ZNF564: variants seen among roughly 807,000 people sequenced by gnomAD.
ZNF564 encodes zinc finger protein 564.
In ZNF564, 5 loss-of-function variants were observed where a neutral mutation model predicts 10.5. That is an observed-to-expected ratio of 0.48 (90% CI 0.25 to 1.00). ZNF564 has a LOEUF of 1.00. Ranked by LOEUF, ZNF564 falls within the 50% of genes least tolerant of loss-of-function variation. The pLI, the probability that ZNF564 is intolerant of heterozygous loss-of-function variation, is 0.16. For synonymous variants in ZNF564, 242 were observed against 218.1 expected (o/e 1.11, Z -0.97); for missense variants, 603 against 669.7 (o/e 0.90, Z 1.10).
chr19:12,535,972 G>A (rs2021902231), intron 1 of ZNF564, among the ~76,000 whole-genome samples: 1 of 146,416 alleles, frequency 6.8e-6, no homozygotes, highest in Non-Finnish European at 1.5e-5. Context: ...GAGACTGTGC[G>A]ACTGCATTCC....
intron 1 of ZNF564, among the ~76,000 whole-genome samples, chr19:12,548,510 C>T (rs924010096): frequency 6.6e-6 from 1 of 152,106 alleles, no homozygotes; most frequent in African/African-American, 2.4e-5. Flanking sequence ...CCACCGTGCC[C>T]GGCCAATTTT....
At chr19:12,536,118 T>C (rs1183448181) in intron 1 of ZNF564, among the ~76,000 whole-genome samples, 1 of 151,780 alleles carries the variant, frequency 6.6e-6, no homozygotes, top group Non-Finnish European at 1.5e-5. Flanking sequence ...CTGAAAAAAA[T>C]CTGTTACAAA....
At chr19:12,538,909 A>G (rs951617216) in intron 1 of ZNF564, among the ~76,000 whole-genome samples, 7 of 152,084 alleles carry the variant, frequency 4.6e-5, no homozygotes, top group African/African-American at 1.7e-4. Context: ...TAACTAATAC[A>G]CTACACTAAC....
chr19:12,548,070 A>G (rs1413103186), intron 1 of ZNF564: 68 of 754,286 alleles, frequency 9.0e-5, no homozygotes, highest in Non-Finnish European at 1.1e-4. Context: ...AGCCTCCCAA[A>G]GGGCTGGGAT....
intron 1 of ZNF564, among the ~76,000 whole-genome samples, chr19:12,538,950 A>G (rs1712681767): frequency 6.6e-6 from 1 of 152,106 alleles, no homozygotes; most frequent in African/African-American, 2.4e-5. Flanking sequence ...GAGGTAGGCC[A>G]GGCGTGGTGG....
chr19:12,543,864 G>A (rs115951312), intron 1 of ZNF564, among the ~76,000 whole-genome samples: 387 of 152,178 alleles, frequency 2.5e-3, no homozygotes, highest in South Asian at 5.2e-3. Context: ...GGTAATCGGG[G>A]TTAGAGACCA....
chr19:12,531,806 T>C (rs889820746), intron 1 of ZNF564, among the ~76,000 whole-genome samples: 8 of 152,108 alleles, frequency 5.3e-5, no homozygotes, highest in Admixed American at 4.6e-4. Flanking sequence ...GTAAAAAATA[T>C]GGTAGATATT....
intron 1 of ZNF564, among the ~76,000 whole-genome samples, chr19:12,535,070 G>T (rs2021883362): frequency 6.6e-6 from 1 of 151,910 alleles, no homozygotes; most frequent in African/African-American, 2.4e-5. Context: ...AGACATAGAG[G>T]AAATTTAAAA....
Position 12,527,033 on chromosome 19 carries a change from G to C in ZNF564, c.1075C>G (p.His359Asp). The C allele has an allele frequency of 3.1e-6, 5 of 1,614,114 alleles. No homozygotes were observed. The highest frequency in any genetic ancestry group is 4.2e-6 in the Non-Finnish European group (5 of 1,180,032). Residue 359 changes from histidine to aspartate, a missense_variant, in exon 4 of 4, where the codon CAC becomes GAC. His to Asp is a moderately conservative substitution (Grantham distance 81, BLOSUM62 -1). Transcript: ENST00000339282. ...SSNVRTHERT[H>D]TGEKPYECKE... is the part of the protein sequence containing the mutation. ...CATTCATAGGGCTTCTCTCCAGTGT[G>C]AGTCCTTTCATGTGTTCGAACATTA...
intron 1 of ZNF564, among the ~76,000 whole-genome samples, chr19:12,531,186 T>C (rs1036771695): frequency 2.6e-5 from 4 of 152,214 alleles, no homozygotes; most frequent in Non-Finnish European, 4.4e-5. Context: ...GAATAATGAA[T>C]ATCTAACAAT....
intron 1 of ZNF564, among the ~76,000 whole-genome samples, chr19:12,543,216 G>A (rs1379860490): frequency 6.7e-6 from 1 of 149,578 alleles, no homozygotes; most frequent in Non-Finnish European, 1.5e-5. Context: ...GCAGGAGAAT[G>A]GCTTGAACCC....
intron 1 of ZNF564, among the ~76,000 whole-genome samples, chr19:12,549,962 G>T (rs12972734): frequency 0.46 from 69,465 of 152,030 alleles, 17,513 homozygotes; most frequent in Non-Finnish European, 0.58. Context: ...TTAGGCGTCG[G>T]GGCTTAGGAA....
rs765717437 is a variant in ZNF564, at chr19:12,527,225, T to G, written c.883A>C (p.Asn295His). 55 of 1,614,056 alleles carry G rather than the reference T, an allele frequency of 3.4e-5. No homozygotes were observed. The highest frequency in any genetic ancestry group is 4.7e-5 in the Non-Finnish European group (55 of 1,180,034). ...TGCCTAATCATATGACTTTGAAAAT[T>G]TGTGAAAGAAATGAAGGCCTTCCCA... ...QCGKAFISFTNFQSHMIRHTG... is the reference protein window; with the variant it reads ...QCGKAFISFTHFQSHMIRHTG... Residue 295 changes from asparagine (N) to histidine (H), a missense_variant, in exon 4 of 4, where the codon AAT becomes CAT. Coordinates refer to ENST00000339282, the MANE Select transcript of ZNF564 (RefSeq NM_144976.4).
chr19:12,527,996 A>G (rs966650843), intron 3 of ZNF564, 80 bp from the exon 4 acceptor site: 37 of 1,451,524 alleles, frequency 2.5e-5, no homozygotes, highest in Non-Finnish European at 3.3e-5. Context: ...TTTTTACCAT[A>G]ATCGCGGAAA....
Position 12,526,636 on chromosome 19 carries a change from G to C in ZNF564, c.1472C>G (p.Ser491Cys). ...ATGAGTTCTTTCATGTATTCTAATG[G>C]AACTGGCATAATTGAATGCTTTCCC... is the stretch of plus-strand genomic sequence containing the variant. The part of the protein sequence containing the change: ...ECGKAFNYAS[S>C]IRIHERTHTG... The change falls in exon 4 of 4, where the codon TCC (serine) becomes TGC (cysteine). Residue 491 changes from serine (S) to cysteine (C), a missense_variant. Coordinates refer to ENST00000339282, the MANE Select transcript of ZNF564 (RefSeq NM_144976.4). 2 of 1,613,944 alleles carry C rather than the reference G, an allele frequency of 1.2e-6. No individual in the cohort carries two copies. Among genetic ancestry groups the C allele is most frequent in the Non-Finnish European group, 8.5e-7 (1 of 1,179,992 alleles).
chr19:12,550,300 A>G (rs1262579397), intron 1 of ZNF564: 1 of 151,656 alleles, frequency 6.6e-6, no homozygotes, highest in Non-Finnish European at 1.5e-5. Context: ...CTCAAAAAAA[A>G]AAAAAAATTT....
At chr19:12,535,925 A>C (rs567819465) in intron 1 of ZNF564, among the ~76,000 whole-genome samples, 2 of 151,584 alleles carry the variant, frequency 1.3e-5, no homozygotes, top group Admixed American at 1.3e-4. Context: ...AGGCAGGAGA[A>C]TTGCTTGAAC....
At chr19:12,548,651 T>C (rs977247223) in intron 1 of ZNF564, 10 of 594,808 alleles carry the variant, frequency 1.7e-5, no homozygotes, top group Non-Finnish European at 3.0e-5. Flanking sequence ...GACATTTGTA[T>C]TCTATAGCTT....
At chr19:12,543,374 A>G (rs1325831762) in intron 1 of ZNF564, among the ~76,000 whole-genome samples, 2 of 148,734 alleles carry the variant, frequency 1.3e-5, no homozygotes, top group East Asian at 4.0e-4. Flanking sequence ...AAGGGAAGGG[A>G]CCACTTCTAA....
Sources: gnomAD v4.1 joint callset for allele counts (sites outside exome capture counted in the v4.1 genomes callset) on GRCh38, gnomAD v4.1.1 for gene constraint, MANE v1.5 for transcripts, NCBI Gene and HGNC (gene_info 2026-07-23, HGNC 2026-07-21) for gene names.